The following ZNF106 variants were observed in gnomAD, a reference collection of about 807,000 sequenced individuals.
ZNF106 encodes the protein zinc finger protein 106, also known as SH3-domain binding protein 3.
In ZNF106, 67 loss-of-function variants were observed where a neutral mutation model predicts 195.1. The observed-to-expected ratio is 0.34, with a 90% CI of 0.28 to 0.42. ZNF106 has a LOEUF of 0.42. Ranked by LOEUF, ZNF106 falls within the 10% of genes least tolerant of loss-of-function variation. The pLI is 1.00. For missense variants in ZNF106, 2,118 were observed against 2,304.5 expected (o/e 0.92, Z 1.66); for synonymous variants, 784 against 818.6 (o/e 0.96, Z 0.72).
chr15:42,454,284 G>A (rs1233883750), intron 4 of ZNF106, among the ~76,000 whole-genome samples: 1 of 152,138 alleles, frequency 6.6e-6, no homozygotes, highest in Non-Finnish European at 1.5e-5. Context: ...TCTTTAGAAA[G>A]TAACAAGTAT....
At chr15:42,471,219 A>T (rs1314512091) in intron 2 of ZNF106, among the ~76,000 whole-genome samples, 9 of 152,122 alleles carry the variant, frequency 5.9e-5, no homozygotes, top group African/African-American at 2.2e-4. Context: ...GTTACTCTAG[A>T]CACTTTTCAA....
chr15:42,413,694 T>C lies in ZNF106; in HGVS notation c.*3610A>G, dbSNP rs2054345868. On this transcript the variant is annotated 3_prime_UTR_variant, in exon 22 of 22. Transcript: ENST00000564754. ...AATAATCACTTAAACAGTAATAATA[T>C]TGCCTCTAAATTAAAGGTAAGTCAG... is the stretch of plus-strand genomic sequence containing the variant. 1 of 152,622 alleles carries C rather than the reference T, an allele frequency of 6.6e-6. No individual in the cohort carries two copies. The highest frequency in any genetic ancestry group is 2.1e-4 in the South Asian group (1 of 4,832). The allele number at this position is 152,622 out of a possible 1,614,324, so 9.5% of individuals were successfully genotyped here. A position where few individuals can be genotyped will look rare whatever the true frequency, so the allele number is the denominator to read the frequency against.
At chr15:42,427,414 G>T (rs1315600584) in intron 15 of ZNF106, among the ~76,000 whole-genome samples, 1 of 152,118 alleles carries the variant, frequency 6.6e-6, no homozygotes, top group Non-Finnish European at 1.5e-5. Flanking sequence ...CTCAATAAAG[G>T]CTAGGTCAAC....
chr15:42,423,010 A>G (rs1381905054), intron 17 of ZNF106, among the ~76,000 whole-genome samples: 1 of 152,072 alleles, frequency 6.6e-6, no homozygotes, highest in African/African-American at 2.4e-5. Context: ...TGAGCTTCAA[A>G]AAGCTGCCTC....
chr15:42,419,444 A>G (rs72707471), intron 20 of ZNF106, among the ~76,000 whole-genome samples: 24,208 of 152,008 alleles, frequency 0.16, 2,353 homozygotes, highest in African/African-American at 0.27. Context: ...AGGGAGGCCG[A>G]GGTAGGGTGA....
intron 1 of ZNF106, among the ~76,000 whole-genome samples, chr15:42,472,821 C>A (rs923077148): frequency 1.5e-4 from 23 of 151,978 alleles, no homozygotes; most frequent in African/African-American, 5.6e-4. Flanking sequence ...ACCAGCCTGG[C>A]CAACATGGTG....
Position 42,436,459 on chromosome 15 carries a change from C to T in ZNF106, c.4746+773G>A, listed in dbSNP as rs79446671. Among the ~76,000 whole-genome samples, 336 of 152,284 alleles carry T rather than the reference C, an allele frequency of 2.2e-3. 2 individuals carry two copies. Among genetic ancestry groups the T allele is most frequent in the African/African-American group, 7.9e-3 (330 of 41,552 alleles). Reference sequence around the variant, plus strand: ...TCATTAAGCTAAAGGAATCTACACACCTGTTGCCTATATAGCAAACACATT... The same window carrying T: ...TCATTAAGCTAAAGGAATCTACACATCTGTTGCCTATATAGCAAACACATT... On this transcript the variant is annotated intron_variant, in intron 13 of 21. Transcript: ENST00000564754.
At chr15:42,484,480 G>A (rs1034355110) in intron 1 of ZNF106, among the ~76,000 whole-genome samples, 1 of 152,196 alleles carries the variant, frequency 6.6e-6, no homozygotes, top group African/African-American at 2.4e-5. Flanking sequence ...ACCATGAATA[G>A]GATAGGCATG....
intron 20 of ZNF106, among the ~76,000 whole-genome samples, chr15:42,418,186 C>T (rs527409579): frequency 1.4e-4 from 21 of 152,248 alleles, no homozygotes; most frequent in Non-Finnish European, 2.6e-4. Context: ...ACAGCACTAA[C>T]GTAGCAATTA....
intron 3 of ZNF106, among the ~76,000 whole-genome samples, chr15:42,461,587 G>C (rs555152006): frequency 6.6e-6 from 1 of 152,320 alleles, no homozygotes; most frequent in South Asian, 2.1e-4. Context: ...ATCTGAAGAA[G>C]TATATTAGGA....
At chr15:42,469,855 C>CA (rs200907669) in intron 2 of ZNF106, among the ~76,000 whole-genome samples, 1,764 of 106,936 alleles carry the variant, frequency 0.016, 48 homozygotes, top group African/African-American at 0.066. Context: ...AACAAAACAA[C>CA]AACAAAAAAA....
chr15:42,450,666 C>T lies in ZNF106; in HGVS notation c.1606G>A (p.Val536Ile), dbSNP rs780615883. The T allele has an allele frequency of 1.2e-6, 2 of 1,614,154 alleles. No individual in the cohort carries two copies. The highest frequency in any genetic ancestry group is 1.7e-6 in the Non-Finnish European group (2 of 1,180,040). ...AATGTACTTTTATTCCCTTTTAAAA[C>T]ATGAGGACATGAACTACGCAGTTTG... ...ISKLRSSCPH[V>I]LKGNKSTFGS... Residue 536 changes from valine (V) to isoleucine (I), a missense_variant, in exon 5 of 22, where the codon GTT (valine) becomes ATT (isoleucine). Transcript: ENST00000564754.
In ZNF106 at chr15:42,451,095, T is replaced by C. The variant is rs753156999; in HGVS notation, c.1177A>G (p.Asn393Asp). 3.7e-6 allele frequency: 6 copies of C among 1,614,238 alleles called. No homozygotes were observed. Among genetic ancestry groups the C allele is most frequent in the Non-Finnish European group, 8.5e-7 (1 of 1,180,040 alleles). ...GGTTTCTCTATCATTTCTGACTTGT[T>C]ACCAGTGATGTCTTTCAATCCCGAC... ...LQSGLKDITG[N>D]KSEMIEKPLF... The change falls in exon 5 of 22, where the codon AAC becomes GAC. Residue 393 changes from asparagine (N) to aspartate (D), a missense_variant. Physicochemically the swap from Asn to Asp is conservative, Grantham distance 23. Coordinates refer to ENST00000564754, the MANE Select transcript of ZNF106 (RefSeq NM_001366845.3).
At position 42,466,099 on chromosome 15, in the gene ZNF106, T is replaced by C; in HGVS notation, c.70A>G (p.Met24Val). Residue 24 changes from methionine to valine, a missense_variant, in exon 3 of 22, where the codon ATG (methionine) becomes GTG (valine). Physicochemically the swap from Met to Val is conservative, Grantham distance 21. Transcript: ENST00000564754. The stretch of plus-strand genomic sequence containing the variant: ...TCCCTGTGATGCAACATGCTCCGCA[T>C]GTGTTCGTCCATCTCCTTCAAAATA... Reference protein sequence around the residue: ...YSSKKEMDEHMRSMLHHRELE... With the variant: ...YSSKKEMDEHVRSMLHHRELE... 6.5e-7 allele frequency: 1 copy of C among 1,533,904 alleles called. No individual in the cohort carries two copies. The highest frequency in any genetic ancestry group is 8.7e-7 in the Non-Finnish European group (1 of 1,145,946).
chr15:42,440,070 T>C (rs1248279961), intron 10 of ZNF106, among the ~76,000 whole-genome samples: 1 of 152,264 alleles, frequency 6.6e-6, no homozygotes, highest in South Asian at 2.1e-4. Flanking sequence ...ATTGTTTCTA[T>C]CAATCTTTTT....
intron 17 of ZNF106, among the ~76,000 whole-genome samples, chr15:42,422,883 C>T (rs750264354): frequency 6.6e-6 from 1 of 151,808 alleles, no homozygotes; most frequent in Non-Finnish European, 1.5e-5. Context: ...GGAAAGAAAG[C>T]GGCCAAAACT....
intron 6 of ZNF106, among the ~76,000 whole-genome samples, chr15:42,447,550 T>TA (rs922669512): frequency 1.1e-4 from 16 of 152,040 alleles, no homozygotes; most frequent in Non-Finnish European, 1.9e-4. Flanking sequence ...AAAAGACTCT[T>TA]AAAGGCCAGG....
intron 3 of ZNF106, among the ~76,000 whole-genome samples, chr15:42,464,947 C>T (rs1227115790): frequency 2.4e-4 from 36 of 152,180 alleles, no homozygotes; most frequent in Admixed American, 2.4e-3. Flanking sequence ...TAAGATGTAA[C>T]TCTGCTCCTC....
At chr15:42,444,047 G>C (rs1000595042) in intron 9 of ZNF106, among the ~76,000 whole-genome samples, 155 bp downstream of exon 9, 3 of 145,364 alleles carry the variant, frequency 2.1e-5, no homozygotes, top group African/African-American at 7.8e-5. Flanking sequence ...GGGAGGCAGA[G>C]GTTGCAGTGA....
Sources: gnomAD v4.1 joint callset for allele counts (sites outside exome capture counted in the v4.1 genomes callset) on GRCh38, gnomAD v4.1.1 for gene constraint, MANE v1.5 for transcripts, NCBI Gene and HGNC (gene_info 2026-07-23, HGNC 2026-07-21) for gene names.